The following GRIN2B variants were observed in gnomAD, a reference collection of about 807,000 sequenced individuals.
GRIN2B encodes glutamate receptor ionotropic, NMDA 2B.
Under a neutral mutation model 114.5 loss-of-function variants are expected in GRIN2B, and 5 were observed. The ratio of observed to expected loss-of-function variants is 0.04; its 90% CI spans 0.02 to 0.09. GRIN2B has a LOEUF of 0.09. GRIN2B is among the 10% of genes least tolerant of loss of function. GRIN2B has a pLI of 1.00. For missense variants in GRIN2B, 1,108 were observed against 1,943.5 expected, an observed-to-expected ratio of 0.57 and a Z score of 8.08; for synonymous variants, 787 against 745.1, an observed-to-expected ratio of 1.06 and a Z score of -0.92.
At chr12:13,937,105 G>GAA (rs1163078482) in intron 2 of GRIN2B, among the ~76,000 whole-genome samples, 70 of 84,512 alleles carry the variant, frequency 8.3e-4, no homozygotes, top group East Asian at 3.0e-3. Context: ...AAGGGGGGGG[G>GAA]GAAGATTGAA....
At chr12:13,622,706 CGCAGAAG>C (rs377033716) in intron 5 of GRIN2B, among the ~76,000 whole-genome samples, 211 of 152,134 alleles carry the variant, frequency 1.4e-3, no homozygotes, top group African/African-American at 4.9e-3. Context: ...CATCATCCCA[CGCAGAAG>C]GCAGAAGGGC....
At chr12:13,766,380 T>C (rs917169675) in intron 3 of GRIN2B, among the ~76,000 whole-genome samples, 4 of 152,218 alleles carry the variant, frequency 2.6e-5, no homozygotes, top group African/African-American at 7.2e-5. Flanking sequence ...TATCCCTCTC[T>C]TTCCCAGTTC....
intron 3 of GRIN2B, among the ~76,000 whole-genome samples, chr12:13,861,250 C>T (rs952668986): frequency 5.9e-5 from 9 of 152,164 alleles, no homozygotes; most frequent in Admixed American, 1.3e-4. Context: ...GGTTTCAAAA[C>T]AGGTATTCCT....
chr12:13,665,217 GA>G (rs2136530763), intron 5 of GRIN2B, among the ~76,000 whole-genome samples: 1 of 151,530 alleles, frequency 6.6e-6, no homozygotes, highest in Admixed American at 6.6e-5. Flanking sequence ...AGTATAGAAA[GA>G]TACAAGAAAG....
chr12:13,676,605 G>C (rs1265638479), intron 4 of GRIN2B, among the ~76,000 whole-genome samples: 1 of 152,130 alleles, frequency 6.6e-6, no homozygotes, highest in Non-Finnish European at 1.5e-5. Context: ...GTGGATTAAA[G>C]GTTGGAAGTG....
intron 3 of GRIN2B, among the ~76,000 whole-genome samples, chr12:13,853,680 A>G (rs1865611081): frequency 6.6e-6 from 1 of 152,218 alleles, no homozygotes; most frequent in Non-Finnish European, 1.5e-5. Context: ...GATTGCTGGT[A>G]TCTGGCCCTC....
chr12:13,817,991 A>C lies in GRIN2B; in HGVS notation c.411+47807T>G, dbSNP rs1428740888. On this transcript the variant is annotated intron_variant, in intron 3 of 13. Coordinates refer to ENST00000609686, the MANE Select transcript of GRIN2B (RefSeq NM_000834.5). The stretch of plus-strand genomic sequence containing the variant: ...TTGTTATCGTTTTTTTGTTTCTCCT[A>C]TATGTTGAGATTGTAAAAAGAGGCC... Among the ~76,000 whole-genome samples, 4 of 152,116 alleles carry C rather than the reference A, an allele frequency of 2.6e-5. No individual in the cohort carries two copies. The South Asian group carries it at 6.2e-4, about 24-fold the overall frequency.
intron 3 of GRIN2B, among the ~76,000 whole-genome samples, chr12:13,809,059 C>A (rs1320884801): frequency 1.3e-5 from 2 of 152,092 alleles, no homozygotes. Flanking sequence ...CAAGACAATT[C>A]TTTGATGTAG....
intron 3 of GRIN2B, among the ~76,000 whole-genome samples, chr12:13,759,747 G>A (rs1263899526): frequency 6.6e-6 from 1 of 152,120 alleles, no homozygotes; most frequent in Non-Finnish European, 1.5e-5. Context: ...CAACAAAGAA[G>A]GATGATCTTT....
chr12:13,637,728 T>A (rs752869822), intron 5 of GRIN2B, among the ~76,000 whole-genome samples: 13 of 152,284 alleles, frequency 8.5e-5, no homozygotes, highest in Non-Finnish European at 1.6e-4. Context: ...TCTTCTCTAT[T>A]TAGGACACTA....
chr12:13,792,096 C>T lies in GRIN2B; in HGVS notation c.412-38181G>A, dbSNP rs190470765. On this transcript the variant is annotated intron_variant, in intron 3 of 13. Coordinates refer to ENST00000609686, the MANE Select transcript of GRIN2B (RefSeq NM_000834.5). ...GCTTCGTTGTTTCACTTAACATAAG[C>T]CTCAAATGTCTGCCGTGACTGATGG... Among the ~76,000 whole-genome samples, 526 of 152,330 alleles carry T rather than the reference C, an allele frequency of 3.5e-3. 5 individuals carry two copies. Among genetic ancestry groups the T allele is most frequent in the African/African-American group, 0.012 (504 of 41,566 alleles).
intron 3 of GRIN2B, among the ~76,000 whole-genome samples, chr12:13,840,014 C>T (rs1405232624): frequency 6.6e-6 from 1 of 152,164 alleles, no homozygotes; most frequent in Non-Finnish European, 1.5e-5. Context: ...TTTCTCCCCA[C>T]CTAGCTAGAA....
intron 10 of GRIN2B, among the ~76,000 whole-genome samples, chr12:13,572,329 T>TA (rs1312637200): frequency 5.3e-5 from 8 of 152,148 alleles, no homozygotes; most frequent in Non-Finnish European, 8.8e-5. Flanking sequence ...CCTTTCTTTC[T>TA]AAAAAAATAT....
At chr12:13,871,516 G>C (rs774310246) in intron 2 of GRIN2B, among the ~76,000 whole-genome samples, 25 of 151,630 alleles carry the variant, frequency 1.6e-4, no homozygotes, top group Non-Finnish European at 3.2e-4. Flanking sequence ...AGCATTTACA[G>C]AGAAAAATAC....
At position 13,549,636 on chromosome 12, in the gene GRIN2B, C is replaced by T. The variant is rs946859707; in HGVS notation, c.*13147G>A. 6.6e-6 allele frequency: 1 copy of T among 152,110 alleles called. No individual in the cohort carries two copies. Among genetic ancestry groups the T allele is most frequent in the South Asian group, 2.1e-4 (1 of 4,816 alleles). The allele number at this position is 152,110 out of a possible 1,614,324, so 9.4% of individuals were successfully genotyped here. A position where few individuals can be genotyped will look rare whatever the true frequency, so the allele number is the denominator to read the frequency against. ...GCCATGTAGCACTCTGGAAGAAATC[C>T]TCTGTCCCAGTTTATTCTTGAGTTT... On this transcript the variant is annotated 3_prime_UTR_variant, in exon 14 of 14. Transcript: ENST00000609686.
chr12:13,927,354 A>G (rs1300619324), intron 2 of GRIN2B, among the ~76,000 whole-genome samples: 1 of 152,154 alleles, frequency 6.6e-6, no homozygotes, highest in Non-Finnish European at 1.5e-5. Flanking sequence ...AGCCTTAGTA[A>G]CAGGCTAGAA....
At chr12:13,663,036 T>C (rs985502459) in intron 5 of GRIN2B, among the ~76,000 whole-genome samples, 2 of 152,178 alleles carry the variant, frequency 1.3e-5, no homozygotes, top group African/African-American at 4.8e-5. Flanking sequence ...CTAGAGCTTC[T>C]GGTGTAGAAG....
intron 3 of GRIN2B, among the ~76,000 whole-genome samples, chr12:13,799,232 CT>C (rs754917758): frequency 6.6e-5 from 10 of 152,296 alleles, no homozygotes; most frequent in Non-Finnish European, 8.8e-5. Flanking sequence ...GCCCTTCCCC[CT>C]GCAGGTCCCC....
intron 2 of GRIN2B, among the ~76,000 whole-genome samples, chr12:13,929,153 T>C (rs553377364): frequency 6.6e-6 from 1 of 152,210 alleles, no homozygotes; most frequent in African/African-American, 2.4e-5. Context: ...ACCTGAAGAT[T>C]TGTTCAAGAA....
Sources: gnomAD v4.1 joint callset for allele counts (sites outside exome capture counted in the v4.1 genomes callset) on GRCh38, gnomAD v4.1.1 for gene constraint, MANE v1.5 for transcripts, NCBI Gene and HGNC (gene_info 2026-07-23, HGNC 2026-07-21) for gene names.